EFEMP2: variants seen among roughly 807,000 people sequenced by gnomAD.
EFEMP2 encodes the protein EGF-like fibulin extracellular matrix protein 2.
Under a neutral mutation model 55.3 loss-of-function variants are expected in EFEMP2, and 21 were observed. The ratio of observed to expected loss-of-function variants is 0.38; its 90% CI spans 0.27 to 0.55. The LOEUF is 0.55. EFEMP2 is among the 20% of genes least tolerant of loss of function. The pLI, the probability that EFEMP2 is intolerant of heterozygous loss-of-function variation, is 0.77. For synonymous variants in EFEMP2, 275 were observed against 242.3 expected, an observed-to-expected ratio of 1.14 and a Z score of -1.25; for missense variants, 513 against 615.1, an observed-to-expected ratio of 0.83 and a Z score of 1.76.
In EFEMP2 at chr11:65,870,720, G is replaced by A. The variant is rs988004257; in HGVS notation, c.368-62C>T. The A allele has an allele frequency of 3.1e-6, 5 of 1,611,032 alleles. No homozygotes were observed. The African/African-American group carries it at 6.7e-5, about 22-fold the overall frequency. ...CGCACACCACCCAACATGACAGATA[G>A]TTCCAACACTTGTATTCGGTTCTCT... On this transcript the variant is annotated intron_variant, in intron 4 of 10. Coordinates refer to ENST00000307998, the MANE Select transcript of EFEMP2 (RefSeq NM_016938.5).
intron 8 of EFEMP2, 24 bp downstream of exon 8, chr11:65,868,486 C>G (rs770919025): frequency 6.2e-7 from 1 of 1,613,874 alleles, no homozygotes; most frequent in South Asian, 1.1e-5. Context: ...ACCGTCCTGC[C>G]CATCCCACCC....
In EFEMP2 at chr11:65,869,944, C is replaced by T. The variant is rs751587117; in HGVS notation, c.640G>A (p.Glu214Lys). The T allele has an allele frequency of 9.3e-6, 15 of 1,613,832 alleles. No homozygotes were observed. The highest frequency in any genetic ancestry group is 1.2e-5 in the Non-Finnish European group (14 of 1,179,976). Residue 214 changes from glutamate to lysine, a missense_variant, in exon 7 of 11, where the codon GAG becomes AAG. Coordinates refer to ENST00000307998, the MANE Select transcript of EFEMP2 (RefSeq NM_016938.5). ...VNECDMGAPC[E>K]QRCFNSYGTF... ...CCATAGGAGTTGAAGCAGCGCTGCT[C>T]GCATGGGGCCCCCATGTCACACTCG...
chr11:65,871,436 G>T (rs778870563), intron 3 of EFEMP2, 73 bp from the exon 4 acceptor site: 2 of 1,436,986 alleles, frequency 1.4e-6, no homozygotes, highest in Non-Finnish European at 2.0e-6. Context: ...CAGGAACCCA[G>T]CTCGGCCTTC....
At chr11:65,869,414 G>A (rs1171932900) in intron 7 of EFEMP2, 1 of 264,274 alleles carries the variant, frequency 3.8e-6, no homozygotes, top group Non-Finnish European at 7.5e-6. Flanking sequence ...TACACTACGA[G>A]GGCAGGTTCT....
rs2134750465 is a variant in EFEMP2 at position 65,870,109 on chromosome 11, G to A, written c.607+12C>T. 6.2e-7 allele frequency: 1 copy of A among 1,613,528 alleles called. No individual in the cohort carries two copies. The stretch of plus-strand genomic sequence containing the variant: ...GCCCAGGACCCAGGAGCCTGGCCCA[G>A]CCCAGCCTCACCAACACAGGAGCGG... On this transcript the variant is annotated intron_variant, in intron 6 of 10. Coordinates refer to ENST00000307998, the MANE Select transcript of EFEMP2 (RefSeq NM_016938.5).
Position 65,866,515 on chromosome 11 carries a change from G to C in EFEMP2, c.*403C>G, listed in dbSNP as rs77540033. On this transcript the variant is annotated 3_prime_UTR_variant, in exon 11 of 11. Transcript: ENST00000307998. ...TAGGGCTTATCCAAATGTACAGTTT[G>C]AGGCAGAGTTAGGAATGGAACCCAG... The C allele has an allele frequency of 2.7e-3, 1,886 of 702,800 alleles. 29 individuals are homozygous for C. The African/African-American group carries it at 0.029, about 11-fold the overall frequency. 43.5% of individuals were successfully genotyped at this position (702,800 alleles called of 1,614,324 possible).
chr11:65,870,793 AC>A, intron 4 of EFEMP2, 135 bp from the exon 5 acceptor site: 1 of 1,309,788 alleles, frequency 7.6e-7, no homozygotes, highest in Non-Finnish European at 1.1e-6. Context: ...CAGGAAAGGC[AC>A]CCCTAACCTC....
intron 10 of EFEMP2, chr11:65,867,493 C>T: frequency 2.3e-6 from 1 of 432,280 alleles, no homozygotes; most frequent in Non-Finnish European, 4.3e-6. Context: ...CTGCCAGTCA[C>T]TGTGAGCAGC....
At chr11:65,871,518 T>A (rs1469978943) in intron 3 of EFEMP2, 155 bp from the exon 4 acceptor site, 2 of 728,620 alleles carry the variant, frequency 2.7e-6, no homozygotes, top group Non-Finnish European at 4.6e-6. Flanking sequence ...TCAGGACCCC[T>A]CCCCAGGGTT....
In EFEMP2 at chr11:65,868,088, G is replaced by A. The variant is rs594689; in HGVS notation, c.975-32C>T. The A allele has an allele frequency of 0.48, 774,246 of 1,608,318 alleles. 195,086 individuals are homozygous for A. The highest frequency in any genetic ancestry group is 0.58 in the Middle Eastern group (3,122 of 5,382). On this transcript the variant is annotated intron_variant, in intron 9 of 10. Transcript: ENST00000307998. ...ACCCCGAGGTGGGGGACACAAATGAGCTCCTTGCCCGTCCCCCCAATTTCT... is the reference window on the plus strand; with the variant it reads ...ACCCCGAGGTGGGGGACACAAATGAACTCCTTGCCCGTCCCCCCAATTTCT...
At chr11:65,867,300 C>T (rs2134745425) in intron 10 of EFEMP2, 1 of 597,600 alleles carries the variant, frequency 1.7e-6, no homozygotes, top group South Asian at 2.0e-5. Flanking sequence ...TTCTCACCCT[C>T]TCCAGCCTGC....
At chr11:65,867,437 C>A (rs1027777536) in intron 10 of EFEMP2, 16 of 435,448 alleles carry the variant, frequency 3.7e-5, no homozygotes, top group Non-Finnish European at 6.8e-5. Context: ...AAGAGAAGGG[C>A]TGGTACTAGA....
rs775357834 is a variant in EFEMP2, at chr11:65,866,889, C to G, written c.*29G>C. 6.2e-7 allele frequency: 1 copy of G among 1,613,782 alleles called. No homozygotes were observed. Among genetic ancestry groups the G allele is most frequent in the Non-Finnish European group, 8.5e-7 (1 of 1,179,772 alleles). On this transcript the variant is annotated 3_prime_UTR_variant, in exon 11 of 11. Transcript: ENST00000307998. ...ACAACAGGCTCCTCAGCTAGGGTAG[C>G]TGCAGGGAGGGTGGCTCCCTCCTGC...
intron 10 of EFEMP2, 53 bp from the exon 11 acceptor site, chr11:65,867,132 GC>G (rs1859865375): frequency 1.2e-6 from 2 of 1,606,586 alleles, no homozygotes; most frequent in Admixed American, 3.3e-5. Context: ...TGTGTGCTAG[GC>G]CCCTGCCCCA....
chr11:65,869,714 C>T (rs1859929753), intron 7 of EFEMP2, 143 bp downstream of exon 7: 3 of 1,295,516 alleles, frequency 2.3e-6, no homozygotes, highest in Non-Finnish European at 3.3e-6. Flanking sequence ...CCACAGCCAG[C>T]CGGGGTCGAG....
chr11:65,867,761 G>A, intron 10 of EFEMP2, 100 bp downstream of exon 10: 1 of 1,330,682 alleles, frequency 7.5e-7, no homozygotes, highest in Non-Finnish European at 1.1e-6. Context: ...GGGCTTTGGG[G>A]GAGGGGTGGG....
chr11:65,871,973 G>T lies in EFEMP2; in HGVS notation c.157C>A (p.Arg53=). 1 of 1,551,562 alleles carries T rather than the reference G, an allele frequency of 6.4e-7. No individual in the cohort carries two copies. The highest frequency in any genetic ancestry group is 8.7e-7 in the Non-Finnish European group (1 of 1,146,944). The change falls in exon 3 of 11, where the codon CGG becomes AGG. Residue 53 remains arginine (R), a synonymous_variant. Coordinates refer to ENST00000307998, the MANE Select transcript of EFEMP2 (RefSeq NM_016938.5). The part of the protein sequence containing the change: ...YEWDPDSQHC[R]DVNECLTIPE... ...TTGGTCCCCCAGGCACACACACCCC[G>T]GCAGTGCTGGCTGTCTGGGTCCCAC...
intron 4 of EFEMP2, 89 bp downstream of exon 4, chr11:65,871,068 C>T (rs1192353442): frequency 9.6e-6 from 14 of 1,452,280 alleles, no homozygotes; most frequent in Admixed American, 9.3e-5. Context: ...CACCAGTGGC[C>T]CTTTTGAGCT....
At chr11:65,867,221 T>C (rs1008926383) in intron 10 of EFEMP2, 142 bp from the exon 11 acceptor site, 49 of 921,204 alleles carry the variant, frequency 5.3e-5, no homozygotes, top group Non-Finnish European at 7.7e-5. Context: ...CTCATGCAGC[T>C]CTTTGACACC....
Sources: allele counts gnomAD v4.1 joint callset, GRCh38; gene constraint gnomAD v4.1.1; transcripts MANE v1.5; gene names NCBI Gene and HGNC (gene_info 2026-07-23, HGNC 2026-07-21).